Variants in VWF observed in about 807,000 individuals in gnomAD.
The protein encoded by VWF is Factor VIII related antigen.
In VWF, 176 loss-of-function variants were observed where a neutral mutation model predicts 308.6. The observed-to-expected ratio is 0.57, with a 90% CI of 0.50 to 0.65. VWF has a LOEUF of 0.65. Among genes scored for constraint, VWF ranks in the 30% least tolerant of loss-of-function variants. The pLI, the probability that VWF is intolerant of heterozygous loss-of-function variation, is 0.00. For missense variants in VWF, 3,146 were observed against 3,648.2 expected, an observed-to-expected ratio of 0.86 and a Z score of 3.55; for synonymous variants, 1,385 against 1,443.4, an observed-to-expected ratio of 0.96 and a Z score of 0.92.
At chr12:6,116,009 T>A (rs554021619) in intron 3 of VWF, among the ~76,000 whole-genome samples, 2 of 152,342 alleles carry the variant, frequency 1.3e-5, no homozygotes, top group South Asian at 2.1e-4. Context: ...TAATCACTAA[T>A]GCAGGGAGAA....
At chr12:6,003,288 C>A (rs1943891815) in intron 34 of VWF, among the ~76,000 whole-genome samples, 1 of 152,094 alleles carries the variant, frequency 6.6e-6, no homozygotes. Context: ...TTTGAACACA[C>A]AGTGTATAAA....
chr12:5,993,794 G>C, intron 37 of VWF, 68 bp downstream of exon 37: 1 of 1,439,020 alleles, frequency 6.9e-7, no homozygotes, highest in Non-Finnish European at 9.7e-7. Flanking sequence ...AGAATCTGGG[G>C]CACAGAGAGG....
rs374016797 is a variant in VWF at position 6,044,344 on chromosome 12, G to A, written c.2389C>T (p.Leu797=). 361 of 1,614,102 alleles carry A rather than the reference G, an allele frequency of 2.2e-4. No individual in the cohort carries two copies. Among genetic ancestry groups the A allele is most frequent in the Non-Finnish European group, 2.9e-4 (341 of 1,180,056 alleles). Residue 797 remains leucine (L), a synonymous_variant, in exon 18 of 52, where the codon CTG becomes TTG. Transcript: ENST00000261405. ...ACACAGCCCATGCTCATGCACTCCA[G>A]GTCATAGTTCTGGCACGTTTTGGTA... ...ECTKTCQNYD[L]ECMSMGCVSG... is the part of the protein sequence containing the mutation.
chr12:6,113,120 T>A (rs1945328171), intron 3 of VWF, among the ~76,000 whole-genome samples: 1 of 152,188 alleles, frequency 6.6e-6, no homozygotes, highest in African/African-American at 2.4e-5. Flanking sequence ...AAAATGGAGA[T>A]GCCTGCCAAA....
chr12:6,007,189 G>A (rs1431940351), intron 34 of VWF, among the ~76,000 whole-genome samples: 2 of 152,116 alleles, frequency 1.3e-5, no homozygotes, highest in African/African-American at 4.8e-5. Context: ...AGATCAATAA[G>A]GAAACAGAGA....
Position 6,103,470 on chromosome 12 carries a change from A to G in VWF, c.532+6904T>C, listed in dbSNP as rs1465204327. On this transcript the variant is annotated intron_variant, in intron 5 of 51. Coordinates refer to ENST00000261405, the MANE Select transcript of VWF (RefSeq NM_000552.5). The stretch of plus-strand genomic sequence containing the variant: ...TACACATATATGTGTATATACACAT[A>G]TGTGTGTATATACATATATGTGTAT... Among the ~76,000 whole-genome samples, 109 of 122,856 alleles carry G rather than the reference A, an allele frequency of 8.9e-4. 4 individuals carry two copies. Among genetic ancestry groups the G allele is most frequent in the Middle Eastern group, 3.9e-3 (1 of 254 alleles). 80.6% of individuals were successfully genotyped at this position (122,856 alleles called of 152,430 possible). A position where few individuals can be genotyped will look rare whatever the true frequency, so the allele number is the denominator to read the frequency against.
Position 5,948,881 on chromosome 12 carries a change from G to T in VWF, c.*134C>A. The T allele has an allele frequency of 9.0e-7, 1 of 1,106,358 alleles. No homozygotes were observed. Among genetic ancestry groups the T allele is most frequent in the Non-Finnish European group, 1.3e-6 (1 of 753,090 alleles). The allele number at this position is 1,106,358 out of a possible 1,614,324, so 68.5% of individuals were successfully genotyped here. On this transcript the variant is annotated 3_prime_UTR_variant, in exon 52 of 52. Transcript: ENST00000261405. The surrounding 1 kb of genome is among the most constrained non-coding windows in gnomAD (Gnocchi z 4.4). The stretch of plus-strand genomic sequence containing the variant: ...CGACACAGTGCACCAGCAGCCTTTT[G>T]CAAGATAAGAGCTCAGCCTTTATTG...
chr12:5,988,236 G>A (rs538723691), intron 38 of VWF, among the ~76,000 whole-genome samples: 1 of 152,170 alleles, frequency 6.6e-6, no homozygotes, highest in Non-Finnish European at 1.5e-5. Flanking sequence ...AATGGAGGAG[G>A]CCCTGCCTCA....
chr12:6,002,080 G>A (rs1276187918), intron 34 of VWF, among the ~76,000 whole-genome samples: 4 of 151,870 alleles, frequency 2.6e-5, no homozygotes, highest in Non-Finnish European at 5.9e-5. Flanking sequence ...TACATATAAA[G>A]TGATCCTAGG....
intron 47 of VWF, among the ~76,000 whole-genome samples, chr12:5,964,465 A>G (rs1342715661): frequency 2.0e-5 from 3 of 152,174 alleles, no homozygotes; most frequent in African/African-American, 4.8e-5. Flanking sequence ...TAAAGAATCA[A>G]TTTAGCTTTG....
At chr12:6,021,711 A>G (rs1165362141) in intron 27 of VWF, 189 bp downstream of exon 27, 2 of 724,656 alleles carry the variant, frequency 2.8e-6, no homozygotes, top group African/African-American at 1.8e-5. Context: ...AAAGAAAAAG[A>G]AGCAAACCCT....
intron 34 of VWF, among the ~76,000 whole-genome samples, chr12:6,008,497 A>C (rs574298145): frequency 1.3e-5 from 2 of 152,340 alleles, no homozygotes; most frequent in Admixed American, 6.5e-5. Flanking sequence ...ACATTCAACA[A>C]ACTAAGAATA....
chr12:5,994,860 G>C (rs941934882), intron 35 of VWF, among the ~76,000 whole-genome samples: 3 of 152,146 alleles, frequency 2.0e-5, no homozygotes, highest in African/African-American at 7.2e-5. Flanking sequence ...GAACCTAAAA[G>C]CCTGGAGATT....
chr12:5,976,424 G>A (rs534266967), intron 42 of VWF, among the ~76,000 whole-genome samples, 164 bp from the exon 43 acceptor site: 7 of 152,146 alleles, frequency 4.6e-5, no homozygotes, highest in East Asian at 3.9e-4. Context: ...AGCAGATTTC[G>A]TCCTCCTCCT....
intron 43 of VWF, among the ~76,000 whole-genome samples, chr12:5,975,089 G>A (rs1033755702): frequency 3.3e-5 from 5 of 152,204 alleles, no homozygotes; most frequent in African/African-American, 1.2e-4. Flanking sequence ...AGGAACACCT[G>A]GATACCACAG....
intron 6 of VWF, among the ~76,000 whole-genome samples, chr12:6,086,110 C>T (rs527595574): frequency 1.3e-5 from 2 of 152,178 alleles, no homozygotes; most frequent in South Asian, 2.1e-4. Context: ...TGGGGGGTTC[C>T]GTGGAGCTCT....
At chr12:5,951,907 G>C in intron 49 of VWF, 24 bp from the exon 50 acceptor site, 1 of 1,614,040 alleles carries the variant, frequency 6.2e-7, no homozygotes, top group South Asian at 1.1e-5. Flanking sequence ...AAAATTTCAG[G>C]TTAGGCACAA....
chr12:6,068,780 CGCCTG>C (rs1419152187), intron 10 of VWF, among the ~76,000 whole-genome samples: 2 of 150,948 alleles, frequency 1.3e-5, no homozygotes, highest in Admixed American at 6.6e-5. Context: ...TGAGCTGCCG[CGCCTG>C]GCCCAAGATG....
chr12:5,970,219 C>T (rs1943456179), intron 44 of VWF, among the ~76,000 whole-genome samples: 1 of 152,188 alleles, frequency 6.6e-6, no homozygotes, highest in South Asian at 2.1e-4. Flanking sequence ...CTCACTGAGC[C>T]TTGGCCACTG....
Sources: allele counts gnomAD v4.1 joint callset (sites outside exome capture counted in the v4.1 genomes callset), GRCh38; gene constraint gnomAD v4.1.1; non-coding constraint Gnocchi (gnomAD v3.1); transcripts MANE v1.5; gene names NCBI Gene and HGNC (gene_info 2026-07-23, HGNC 2026-07-21).